Variants in ERBB4 observed in about 807,000 individuals in gnomAD.
The protein encoded by ERBB4 is receptor tyrosine-protein kinase erbB-4.
A neutral mutation model predicts 158.0 loss-of-function variants in ERBB4; 42 were observed. That is an observed-to-expected ratio of 0.27 (90% CI 0.21 to 0.34). ERBB4 has a LOEUF of 0.34. ERBB4 is among the 10% of genes least tolerant of loss of function. The probability of loss-of-function intolerance (pLI) is 1.00; values close to 1 mark genes in which losing one functional copy is unlikely to be tolerated. For synonymous variants in ERBB4, 583 were observed against 558.7 expected (o/e 1.04, Z -0.61); for missense variants, 1,333 against 1,624.1 (o/e 0.82, Z 3.08).
chr2:212,224,536 T>G (rs16847980), intron 1 of ERBB4, among the ~76,000 whole-genome samples: 2,005 of 152,088 alleles, frequency 0.013, 35 homozygotes, highest in African/African-American at 0.045. Context: ...CGTATTGCTC[T>G]TTTGCTTACC....
chr2:212,044,943 G>GCT (rs2077224591), intron 2 of ERBB4, among the ~76,000 whole-genome samples: 2 of 151,768 alleles, frequency 1.3e-5, no homozygotes, highest in African/African-American at 4.8e-5. Context: ...GGCAGCAATA[G>GCT]GCTCAAAGAT....
chr2:211,902,672 A>C (rs2079268348), intron 3 of ERBB4, among the ~76,000 whole-genome samples: 1 of 151,698 alleles, frequency 6.6e-6, no homozygotes, highest in Admixed American at 6.6e-5. Flanking sequence ...TGGTTAATAA[A>C]GTCTCAAAAT....
intron 3 of ERBB4, among the ~76,000 whole-genome samples, chr2:211,847,817 C>T (rs1575239903): frequency 1.3e-5 from 2 of 152,086 alleles, no homozygotes; most frequent in African/African-American, 4.8e-5. Context: ...GTTTAATATG[C>T]ACTAACTGAT....
intron 19 of ERBB4, among the ~76,000 whole-genome samples, chr2:211,585,587 A>G (rs2068252696): frequency 6.6e-6 from 1 of 152,130 alleles, no homozygotes; most frequent in Admixed American, 6.5e-5. Context: ...CAGTTTATTA[A>G]CTTCAATATT....
chr2:211,553,616 C>T (rs1281187773), intron 20 of ERBB4, among the ~76,000 whole-genome samples: 1 of 152,018 alleles, frequency 6.6e-6, no homozygotes. Context: ...TACTTTATGC[C>T]AAACAGTAAG....
intron 1 of ERBB4, among the ~76,000 whole-genome samples, chr2:212,326,270 T>A (rs185087165): frequency 6.6e-6 from 1 of 150,976 alleles, no homozygotes; most frequent in East Asian, 1.9e-4. Context: ...TCATCCTATA[T>A]TATTTATATT....
chr2:212,399,536 T>TTATATA (rs1298944300), intron 1 of ERBB4, among the ~76,000 whole-genome samples: 1 of 20,794 alleles, frequency 4.8e-5, no homozygotes, highest in Admixed American at 5.1e-4. Context: ...GATATATATT[T>TTATATA]TATATATACA....
chr2:211,436,918 T>C (rs2063867472), intron 20 of ERBB4, among the ~76,000 whole-genome samples: 2 of 152,306 alleles, frequency 1.3e-5, no homozygotes, highest in African/African-American at 2.4e-5. Flanking sequence ...TTAGTGAAGA[T>C]AAAGGTCACG....
At chr2:212,048,202 C>A (rs1187950574) in intron 2 of ERBB4, among the ~76,000 whole-genome samples, 1 of 152,090 alleles carries the variant, frequency 6.6e-6, no homozygotes, top group African/African-American at 2.4e-5. Flanking sequence ...ATGGGCAGAA[C>A]CAAATTCTAT....
chr2:211,487,455 T>C (rs1404759321), intron 20 of ERBB4, among the ~76,000 whole-genome samples: 4 of 152,136 alleles, frequency 2.6e-5, no homozygotes, highest in African/African-American at 9.7e-5. Flanking sequence ...CTTTGTTTTT[T>C]AACTGAATTA....
intron 20 of ERBB4, 54 bp downstream of exon 20, chr2:211,561,849 T>C: frequency 6.9e-7 from 1 of 1,456,108 alleles, no homozygotes; most frequent in Non-Finnish European, 9.6e-7. Context: ...CTGTTCCAGG[T>C]TAGGAAATAT....
At chr2:212,191,533 T>C (rs183678832) in intron 1 of ERBB4, among the ~76,000 whole-genome samples, 1 of 125,330 alleles carries the variant, frequency 8.0e-6, no homozygotes, top group African/African-American at 3.0e-5. Context: ...ATACCTGTTA[T>C]ATATAACACA....
At chr2:212,535,818 TTC>T (rs977730700) in intron 1 of ERBB4, among the ~76,000 whole-genome samples, 43 of 152,350 alleles carry the variant, frequency 2.8e-4, no homozygotes, top group Admixed American at 1.4e-3. Context: ...AGAGGTTCTC[TTC>T]TGTTACAATT....
chr2:211,602,616 T>C (rs1284144017), intron 19 of ERBB4, among the ~76,000 whole-genome samples: 1 of 152,150 alleles, frequency 6.6e-6, no homozygotes, highest in Non-Finnish European at 1.5e-5. Flanking sequence ...GGGTACCATA[T>C]AAAGTATCCT....
chr2:211,678,786 G>T (rs145202717), intron 13 of ERBB4, among the ~76,000 whole-genome samples: 1 of 151,706 alleles, frequency 6.6e-6, no homozygotes, highest in Admixed American at 6.6e-5. Flanking sequence ...CTAACACGGT[G>T]AAACCCCGTC....
At chr2:212,236,328 G>T (rs2083872509) in intron 1 of ERBB4, among the ~76,000 whole-genome samples, 1 of 152,182 alleles carries the variant, frequency 6.6e-6, no homozygotes, top group African/African-American at 2.4e-5. Context: ...ACTTGATTGT[G>T]GTGGATAAGC....
intron 19 of ERBB4, among the ~76,000 whole-genome samples, chr2:211,597,318 C>T (rs2068663941): frequency 6.6e-6 from 1 of 152,188 alleles, no homozygotes; most frequent in East Asian, 1.9e-4. Context: ...TAGCAAACAT[C>T]ACTGAACTTA....
chr2:212,080,452 CCATT>C (rs1339975887), intron 2 of ERBB4, among the ~76,000 whole-genome samples: 1 of 151,374 alleles, frequency 6.6e-6, no homozygotes, highest in Non-Finnish European at 1.5e-5. Context: ...AGGTATATAA[CCATT>C]TTTTTAAAAA....
chr2:211,542,718 A>G (rs1211584734), intron 20 of ERBB4, among the ~76,000 whole-genome samples: 2 of 151,904 alleles, frequency 1.3e-5, no homozygotes, highest in East Asian at 1.9e-4. Flanking sequence ...ATCTCCCATT[A>G]TATTTAAAAT....
Sources: gnomAD v4.1 joint callset for allele counts (sites outside exome capture counted in the v4.1 genomes callset) on GRCh38, gnomAD v4.1.1 for gene constraint, MANE v1.5 for transcripts, NCBI Gene and HGNC (gene_info 2026-07-23, HGNC 2026-07-21) for gene names.